Variants in NOC2L observed in about 807,000 individuals in gnomAD.
The protein encoded by NOC2L is nucleolar complex protein 2 homolog.
NOC2L carries 101 observed loss-of-function variants against 94.2 expected under a neutral mutation model. The observed-to-expected ratio is 1.07, with a 90% CI of 0.91 to 1.26. NOC2L has a LOEUF of 1.26. Ranked by LOEUF, NOC2L falls within the 50% of genes most tolerant of loss-of-function variation. The pLI is 0.00. For missense variants in NOC2L, 1,076 were observed against 980.1 expected (o/e 1.10, Z -1.31); for synonymous variants, 531 against 413.4 (o/e 1.28, Z -3.45).
intron 2 of NOC2L, chr1:957,811 T>TTA: frequency 1.3e-5 from 2 of 159,860 alleles, no homozygotes; most frequent in Non-Finnish European, 2.8e-5. Flanking sequence ...CTCCCTGTTT[T>TTA]ACGAGGCAAT....
In NOC2L at chr1:952,082, G is replaced by C; in HGVS notation, c.1249C>G (p.Arg417Gly). 1 of 1,613,698 alleles carries C rather than the reference G, an allele frequency of 6.2e-7. No homozygotes were observed. Among genetic ancestry groups the C allele is most frequent in the East Asian group, 2.2e-5 (1 of 44,884 alleles). Residue 417 changes from arginine to glycine, a missense_variant, in exon 11 of 19, where the codon CGG (arginine) becomes GGG (glycine). By Grantham distance (125) the Arg-to-Gly change is moderately radical (BLOSUM62 -2). Around this residue, in one of 3 missense-constraint regions of NOC2L, gnomAD observed 615 missense variants for 577.4 expected, o/e 1.07. Transcript: ENST00000327044. Reference sequence around the variant, plus strand: ...CTGGGGCCCGCAGTGCTCAGGACCCGGCACCACAGGAAGAGGCAGTGCACA... The same window carrying C: ...CTGGGGCCCGCAGTGCTCAGGACCCCGCACCACAGGAAGAGGCAGTGCACA... ...QYVHCLFLWCRVLSTAGPSEA... is the reference protein window; with the variant it reads ...QYVHCLFLWCGVLSTAGPSEA...
chr1:948,475 G>A lies in NOC2L; in HGVS notation c.1557+15C>T, dbSNP rs1170781565. The A allele has an allele frequency of 6.3e-7, 1 of 1,597,842 alleles. No individual in the cohort carries two copies. Among genetic ancestry groups the A allele is most frequent in the South Asian group, 1.1e-5 (1 of 90,784 alleles). ...TGGGAACTGCCCAGGCCCCTCCCCA[G>A]GAGGCCAGCCTCACCCGGTACGCCT... On this transcript the variant is annotated intron_variant, in intron 13 of 18. Coordinates refer to ENST00000327044, the MANE Select transcript of NOC2L (RefSeq NM_015658.4).
rs778672292 is a variant in NOC2L, at chr1:944,646, A to G, written c.*48T>C. On this transcript the variant is annotated 3_prime_UTR_variant, in exon 19 of 19. Transcript: ENST00000327044. ...GCCTGACTGCCAGGGAGGTGGAAAC[A>G]CTGGCCACCAGCCCGGCAGCCCCTA... is the stretch of plus-strand genomic sequence containing the variant. 8.2e-7 allele frequency: 1 copy of G among 1,224,950 alleles called. No individual in the cohort carries two copies. The highest frequency in any genetic ancestry group is 1.2e-6 in the Non-Finnish European group (1 of 855,862). 75.9% of individuals were successfully genotyped at this position (1,224,950 alleles called of 1,614,324 possible).
chr1:956,675 G>A (rs898938359), intron 4 of NOC2L, among the ~76,000 whole-genome samples: 10 of 152,202 alleles, frequency 6.6e-5, no homozygotes, highest in Admixed American at 1.3e-4. Context: ...GCAAGCAGGA[G>A]GAGCAACGTG....
chr1:951,149 G>A lies in NOC2L; in HGVS notation c.1421C>T (p.Pro474Leu), dbSNP rs755814934. 6.6e-5 allele frequency: 105 copies of A among 1,588,582 alleles called. No homozygotes were observed. Among genetic ancestry groups the A allele is most frequent in the Non-Finnish European group, 8.5e-5 (99 of 1,167,598 alleles). ...LLSGSSGAFI[P>L]VLPFILEMFQ... ...CACCTCCAGGATGAAAGGCAGCACC[G>A]GGATGAAGGCCCCCGAGCTCCCCGA... is the stretch of plus-strand genomic sequence containing the variant. The change falls in exon 12 of 19, where the codon CCG (proline) becomes CTG (leucine). Residue 474 changes from proline to leucine, a missense_variant. Physicochemically the swap from Pro to Leu is moderately conservative, Grantham distance 98. Coordinates refer to ENST00000327044, the MANE Select transcript of NOC2L (RefSeq NM_015658.4).
chr1:958,086 T>C (rs1306186457), intron 2 of NOC2L: 1 of 125,844 alleles, frequency 7.9e-6, no homozygotes, highest in Non-Finnish European at 1.7e-5. Context: ...TTTTTTCTCC[T>C]GAGGCGGAAT....
intron 4 of NOC2L, 151 bp from the exon 5 acceptor site, chr1:956,366 A>C: frequency 1.2e-6 from 1 of 833,076 alleles, no homozygotes; most frequent in Non-Finnish European, 1.8e-6. Context: ...ACTGATAACA[A>C]AAATGGAAAC....
intron 12 of NOC2L, among the ~76,000 whole-genome samples, chr1:949,544 G>A (rs1342477945): frequency 6.6e-6 from 1 of 151,656 alleles, no homozygotes; most frequent in Admixed American, 6.6e-5. Context: ...TTCCGGAGAG[G>A]AGAGGCCTGC....
intron 6 of NOC2L, among the ~76,000 whole-genome samples, chr1:954,797 G>C (rs1237842434): frequency 6.6e-6 from 1 of 151,892 alleles, no homozygotes; most frequent in Non-Finnish European, 1.5e-5. Flanking sequence ...ATTCCAGCCT[G>C]GGCGACAGAG....
At chr1:950,977 CGGA>C (rs1642245571) in intron 12 of NOC2L, 147 bp downstream of exon 12, 1 of 668,778 alleles carries the variant, frequency 1.5e-6, no homozygotes, top group African/African-American at 1.8e-5. Context: ...CCCCAGCACA[CGGA>C]GGAGCACTGT....
intron 16 of NOC2L, 112 bp from the exon 17 acceptor site, chr1:945,765 G>T (rs1460026391): frequency 1.5e-6 from 2 of 1,324,650 alleles, no homozygotes; most frequent in African/African-American, 1.5e-5. Context: ...CCAATTTCTA[G>T]TCCCCTCTGT....
chr1:948,527 T>C lies in NOC2L; in HGVS notation c.1520A>G (p.Lys507Arg), dbSNP rs751920109. The C allele has an allele frequency of 1.9e-6, 3 of 1,613,474 alleles. No individual in the cohort carries two copies. Among genetic ancestry groups the C allele is most frequent in the East Asian group, 4.5e-5 (2 of 44,896 alleles). The change falls in exon 13 of 19, where the codon AAG becomes AGG. Residue 507 changes from lysine (K) to arginine (R), a missense_variant. This residue lies in a region of NOC2L where 615 missense variants were observed against 577.4 expected (regional missense o/e 1.07). Transcript: ENST00000327044. ...SKPINFSVIL[K>R]LSNVNLQEKA... is the part of the protein sequence containing the mutation. The stretch of plus-strand genomic sequence containing the variant: ...CTCCTGCAGGTTGACATTGGACAGC[T>C]TCAGGATCACGGAGAAGTTGATGGG...
rs766135128 is a variant in NOC2L at position 946,385 on chromosome 1, C to G, written c.1803+17G>C. ...GGCAGGTGCCCTCAGGTGGCACTAC[C>G]CCCAGGGCCCACTAACCACTGCCTG... On this transcript the variant is annotated intron_variant, in intron 15 of 18. Transcript: ENST00000327044. 1.2e-6 allele frequency: 2 copies of G among 1,613,496 alleles called. No homozygotes were observed. The highest frequency in any genetic ancestry group is 4.5e-5 in the East Asian group (2 of 44,882).
At chr1:951,696 C>G (rs1196295590) in intron 11 of NOC2L, among the ~76,000 whole-genome samples, 4 of 152,246 alleles carry the variant, frequency 2.6e-5, no homozygotes, top group African/African-American at 4.8e-5. Context: ...ACCCAAGAAC[C>G]CCACGTAATG....
rs767614631 is a variant in NOC2L, at chr1:945,073, GTCCTCCTCGCCC to G, written c.2115_2126del (p.Glu705_Glu708del). The G allele has an allele frequency of 2.4e-5, 39 of 1,613,900 alleles. No individual in the cohort carries two copies. The highest frequency in any genetic ancestry group is 1.6e-4 in the Middle Eastern group (1 of 6,084). The stretch of plus-strand genomic sequence containing the variant: ...ACCATTCACCCTCCGAGTTGCTGCT[GTCCTCCTCGCCC>G]TCCTCCTCGTCCTCTTCATCGTCTT... On this transcript the variant is annotated inframe_deletion, in exon 18 of 19. Coordinates refer to ENST00000327044, the MANE Select transcript of NOC2L (RefSeq NM_015658.4).
chr1:957,018 C>T lies in NOC2L; in HGVS notation c.362G>A (p.Ser121Asn). 1.2e-6 allele frequency: 2 copies of T among 1,614,086 alleles called. No homozygotes were observed. Among genetic ancestry groups the T allele is most frequent in the Non-Finnish European group, 1.7e-6 (2 of 1,180,032 alleles). Residue 121 changes from serine to asparagine, a missense_variant, in exon 4 of 19, where the codon AGT becomes AAT. Ser to Asn is a conservative substitution (Grantham distance 46). Coordinates refer to ENST00000327044, the MANE Select transcript of NOC2L (RefSeq NM_015658.4). ...HSLPDVLEEA[S>N]EEEDGAEEGE... Reference sequence around the variant, plus strand: ...TTCCTCCGCTCCATCCTCCTCCTCACTGGCTTCCTGCACAGAAAGGCTGAG... The same window carrying T: ...TTCCTCCGCTCCATCCTCCTCCTCATTGGCTTCCTGCACAGAAAGGCTGAG...
chr1:948,493 G>C lies in NOC2L; in HGVS notation c.1554C>G (p.Tyr518Ter). 1 of 1,611,424 alleles carries C rather than the reference G, an allele frequency of 6.2e-7. No homozygotes were observed. Among genetic ancestry groups the C allele is most frequent in the Non-Finnish European group, 8.5e-7 (1 of 1,178,196 alleles). The change falls in exon 13 of 19, where the codon TAC (tyrosine) becomes TAG (stop). Residue 518 changes from tyrosine to a stop codon, truncating the protein, a stop_gained. Transcript: ENST00000327044. LOFTEE classifies it high-confidence loss of function. Reference protein sequence around the residue: ...LSNVNLQEKAYRDGLVEQLYD... With the variant: ...LSNVNLQEKA ...CTCCCCAGGAGGCCAGCCTCACCCG[G>C]TACGCCTTCTCCTGCAGGTTGACAT... is the stretch of plus-strand genomic sequence containing the variant.
Position 948,509 on chromosome 1 carries a change from AG to A in NOC2L, c.1537del (p.Leu513CysfsTer42). 6.2e-7 allele frequency: 1 copy of A among 1,612,992 alleles called. No homozygotes were observed. Among genetic ancestry groups the A allele is most frequent in the Non-Finnish European group, 8.5e-7 (1 of 1,179,522 alleles). On this transcript the variant is annotated frameshift_variant, in exon 13 of 19. Coordinates refer to ENST00000327044, the MANE Select transcript of NOC2L (RefSeq NM_015658.4). LOFTEE classifies it high-confidence loss of function. ...SVILKLSNVNLQEKAYRDGLV... is the reference protein window; with the variant it reads ...SVILKLSNVNXQEKAYRDGLV... ...CCTCACCCGGTACGCCTTCTCCTGC[AG>A]GTTGACATTGGACAGCTTCAGGATC...
intron 12 of NOC2L, among the ~76,000 whole-genome samples, chr1:949,342 T>A (rs1242008286): frequency 6.6e-6 from 1 of 152,098 alleles, no homozygotes; most frequent in Non-Finnish European, 1.5e-5. Flanking sequence ...TCAGCAGGGG[T>A]GGCTGCCAGA....
Sources: allele counts gnomAD v4.1 joint callset (sites outside exome capture counted in the v4.1 genomes callset), GRCh38; gene constraint gnomAD v4.1.1; regional missense constraint gnomAD v4.1.1; transcripts MANE v1.5; gene names NCBI Gene and HGNC (gene_info 2026-07-23, HGNC 2026-07-21).